Variants in IZUMO1 observed in about 807,000 individuals in gnomAD.
IZUMO1 encodes izumo sperm-egg fusion protein 1.
Under a neutral mutation model 40.7 loss-of-function variants are expected in IZUMO1, and 44 were observed. The observed-to-expected ratio is 1.08, with a 90% CI of 0.85 to 1.39. The LOEUF (loss-of-function observed/expected upper bound fraction) is 1.39, where lower values mean the gene tolerates loss of function less well. IZUMO1 is among the 40% of genes most tolerant of loss of function. The pLI is 0.00. For missense variants in IZUMO1, 368 were observed against 436.9 expected (o/e 0.84, Z 1.41); for synonymous variants, 149 against 170.9 (o/e 0.87, Z 1.00).
chr19:48,741,601 G>T lies in IZUMO1; in HGVS notation c.755-123C>A. The T allele has an allele frequency of 7.7e-7, 1 of 1,295,912 alleles. No individual in the cohort carries two copies. The highest frequency in any genetic ancestry group is 1.1e-6 in the Non-Finnish European group (1 of 939,910). The allele number at this position is 1,295,912 out of a possible 1,614,324, so 80.3% of individuals were successfully genotyped here. A position where few individuals can be genotyped will look rare whatever the true frequency, so the allele number is the denominator to read the frequency against. Reference sequence around the variant, plus strand: ...TCACGCCTTCAACAGTGTCAAGCCTGAACACACCCAAGGGAACCCCTGTCC... The same window carrying T: ...TCACGCCTTCAACAGTGTCAAGCCTTAACACACCCAAGGGAACCCCTGTCC... On this transcript the variant is annotated intron_variant, in intron 8 of 9. Transcript: ENST00000332955. The surrounding 1 kb of genome is among the most constrained non-coding windows in gnomAD (Gnocchi z 4.4).
In IZUMO1 at chr19:48,743,894, G is replaced by A; in HGVS notation, c.418+281C>T. ...TAATCCCAGCTACTCAGGGGGCTGA[G>A]GCAGGAGAATAGTTTGAACCTGGGA... On this transcript the variant is annotated intron_variant, in intron 5 of 9. Transcript: ENST00000332955. The A allele has an allele frequency of 1.4e-5, 7 of 485,798 alleles. No individual in the cohort carries two copies. The South Asian group carries it at 1.5e-4, about 11-fold the overall frequency. The allele number at this position is 485,798 out of a possible 1,614,324, so 30.1% of individuals were successfully genotyped here.
At chr19:48,744,286 A>G (rs2033812098) in intron 4 of IZUMO1, 91 bp from the exon 5 acceptor site, 2 of 1,411,044 alleles carry the variant, frequency 1.4e-6, no homozygotes, top group South Asian at 1.2e-5. Flanking sequence ...TTGGGGGAAG[A>G]GCTGGGCTTT....
At chr19:48,744,927 G>A (rs1235273783) in intron 3 of IZUMO1, among the ~76,000 whole-genome samples, 1 of 152,142 alleles carries the variant, frequency 6.6e-6, no homozygotes, top group African/African-American at 2.4e-5. Flanking sequence ...GAACTACTGA[G>A]CTCAAGTAAT....
chr19:48,741,732 G>A lies in IZUMO1; in HGVS notation c.754+57C>T. On this transcript the variant is annotated intron_variant, in intron 8 of 9. Transcript: ENST00000332955. The surrounding 1 kb of genome is among the most constrained non-coding windows in gnomAD (Gnocchi z 4.4). Reference sequence around the variant, plus strand: ...TCGCCAAGGCCACGCCCCCGCCGCGGACCCCAGCTTTCCTGGGCCCTGAAT... The same window carrying A: ...TCGCCAAGGCCACGCCCCCGCCGCGAACCCCAGCTTTCCTGGGCCCTGAAT... The A allele has an allele frequency of 1.3e-5, 20 of 1,504,130 alleles. No individual in the cohort carries two copies. The highest frequency in any genetic ancestry group is 1.8e-5 in the Non-Finnish European group (20 of 1,123,654). The allele number at this position is 1,504,130 out of a possible 1,614,324, so 93.2% of individuals were successfully genotyped here. A position where few individuals can be genotyped will look rare whatever the true frequency, so the allele number is the denominator to read the frequency against.
chr19:48,743,720 C>A, intron 5 of IZUMO1, 195 bp from the exon 6 acceptor site: 1 of 596,696 alleles, frequency 1.7e-6, no homozygotes. Flanking sequence ...AGGCCGGATG[C>A]GGTGGCTTAC....
Position 48,741,771 on chromosome 19 carries a change from C to T in IZUMO1, c.754+18G>A. 6.5e-7 allele frequency: 1 copy of T among 1,539,754 alleles called. No individual in the cohort carries two copies. Among genetic ancestry groups the T allele is most frequent in the Non-Finnish European group, 8.8e-7 (1 of 1,138,922 alleles). Reference sequence around the variant, plus strand: ...TGGGCCCTGAATCCTACACTTCTCTCAGCCCCACAGCACTGACCTGTGACG... The same window carrying T: ...TGGGCCCTGAATCCTACACTTCTCTTAGCCCCACAGCACTGACCTGTGACG... On this transcript the variant is annotated intron_variant, in intron 8 of 9. Coordinates refer to ENST00000332955, the MANE Select transcript of IZUMO1 (RefSeq NM_182575.3). This position sits in a 1 kb window ranked among gnomAD's most constrained non-coding sequence, Gnocchi z 4.4.
intron 2 of IZUMO1, 83 bp downstream of exon 2, chr19:48,745,542 C>G: frequency 6.5e-7 from 1 of 1,527,806 alleles, no homozygotes; most frequent in South Asian, 1.1e-5. Context: ...TCCCGGAGAC[C>G]CTGCTGTCAG....
In IZUMO1 at chr19:48,743,523, C is replaced by T. The variant is rs142778758; in HGVS notation, c.421G>A (p.Val141Met). ...CACCAGATCAGAGTTTGCAACATCA[C>T]ACCTGGAGGGGCAGGGTCAAGGCTT... is the stretch of plus-strand genomic sequence containing the variant. Reference protein sequence around the residue: ...KEAYCPNKCGVMLQTLIWCKN... With the variant: ...KEAYCPNKCGMMLQTLIWCKN... The change falls in exon 6 of 10, where the codon GTG becomes ATG. Residue 141 changes from valine to methionine, a missense_variant and splice_region_variant. Physicochemically the swap from Val to Met is conservative, Grantham distance 21. Coordinates refer to ENST00000332955, the MANE Select transcript of IZUMO1 (RefSeq NM_182575.3). 1.2e-5 allele frequency: 19 copies of T among 1,612,320 alleles called. No homozygotes were observed. The African/African-American group carries it at 2.4e-4, about 20-fold the overall frequency.
Position 48,740,940 on chromosome 19 carries a change from T to C in IZUMO1, c.1021A>G (p.Lys341Glu), listed in dbSNP as rs2033664751. ...TGCCTCGAATCTGTGGCCTTTTCTTTTGGGACCTGGGTTTGCTCGGCCGCT... is the reference window on the plus strand; with the variant it reads ...TGCCTCGAATCTGTGGCCTTTTCTTCTGGGACCTGGGTTTGCTCGGCCGCT... Reference protein sequence around the residue: ...SGAAEQTQVPKEKATDSRQQ With the variant: ...SGAAEQTQVPEEKATDSRQQ The change falls in exon 10 of 10, where the codon AAA (lysine) becomes GAA (glutamate). Residue 341 changes from lysine to glutamate, a missense_variant. Lys to Glu is a moderately conservative substitution (Grantham distance 56). Coordinates refer to ENST00000332955, the MANE Select transcript of IZUMO1 (RefSeq NM_182575.3). The surrounding 1 kb of genome is among the most constrained non-coding windows in gnomAD (Gnocchi z 5.5). The C allele has an allele frequency of 6.2e-7, 1 of 1,614,148 alleles. No individual in the cohort carries two copies. The highest frequency in any genetic ancestry group is 8.5e-7 in the Non-Finnish European group (1 of 1,179,966).
Position 48,741,896 on chromosome 19 carries a change from G to C in IZUMO1, c.647C>G (p.Ala216Gly). 1 of 1,611,786 alleles carries C rather than the reference G, an allele frequency of 6.2e-7. No individual in the cohort carries two copies. The highest frequency in any genetic ancestry group is 8.5e-7 in the Non-Finnish European group (1 of 1,178,228). Residue 216 changes from alanine to glycine, a missense_variant, in exon 8 of 10, where the codon GCC becomes GGC. Ala to Gly is a moderately conservative substitution (Grantham distance 60). Coordinates refer to ENST00000332955, the MANE Select transcript of IZUMO1 (RefSeq NM_182575.3). The surrounding 1 kb of genome is among the most constrained non-coding windows in gnomAD (Gnocchi z 4.4). ...TETLVSKGKE[A>G]TLTKPMVGPE... ...ACCCACCATGGGCTTGGTCAGGGTG[G>C]CCTCTTTCCCCTTGGACACCAAGGT...
chr19:48,742,088 G>A, intron 7 of IZUMO1, 121 bp downstream of exon 7: 1 of 1,493,812 alleles, frequency 6.7e-7, no homozygotes, highest in Non-Finnish European at 9.2e-7. Flanking sequence ...GAGGTCTGTA[G>A]AGACCACACC....
In IZUMO1 at chr19:48,746,600, A is replaced by T. The variant is rs2033891870; in HGVS notation, c.-239T>A. On this transcript the variant is annotated 5_prime_UTR_variant, in exon 1 of 10. Transcript: ENST00000332955. The stretch of plus-strand genomic sequence containing the variant: ...GAGCCCCGATGCATCCTGAACAGTG[A>T]TGCACCCTAAACAGCCGCTCCCCGA... 5.1e-6 allele frequency: 5 copies of T among 985,306 alleles called. No individual in the cohort carries two copies. Among genetic ancestry groups the T allele is most frequent in the South Asian group, 4.7e-5 (1 of 21,276 alleles). 61.0% of individuals were successfully genotyped at this position (985,306 alleles called of 1,614,324 possible).
Position 48,741,946 on chromosome 19 carries a change from G to C in IZUMO1, c.601-4C>G, listed in dbSNP as rs1409379857. ...TCTCCGTATTGTTCCCCCAAACCTA[G>C]ACCCAAGCTCAAGGGGTCACTGAGG... On this transcript the variant is annotated splice_region_variant and splice_polypyrimidine_tract_variant and intron_variant, in intron 7 of 9. Transcript: ENST00000332955. The surrounding 1 kb of genome is among the most constrained non-coding windows in gnomAD (Gnocchi z 4.4). 6.3e-7 allele frequency: 1 copy of C among 1,591,958 alleles called. No individual in the cohort carries two copies. Among genetic ancestry groups the C allele is most frequent in the Non-Finnish European group, 8.6e-7 (1 of 1,166,244 alleles).
Position 48,745,225 on chromosome 19 carries a change from CT to C in IZUMO1, c.298del (p.Ser100ValfsTer3). ...CTTGATGCATTTACCTTTTACATCACTGTCTGTGATGCGTTTCAGATCCTTC... is the reference window on the plus strand; with the variant it reads ...CTTGATGCATTTACCTTTTACATCACGTCTGTGATGCGTTTCAGATCCTTC... Reference protein sequence around the residue: ...LLKDLKRITDSDVKGDLFVKE... With the variant: ...LLKDLKRITDXDVKGDLFVKE... On this transcript the variant is annotated frameshift_variant, in exon 3 of 10. Transcript: ENST00000332955. LOFTEE classifies it high-confidence loss of function. 12 of 1,613,936 alleles carry C rather than the reference CT, an allele frequency of 7.4e-6. No individual in the cohort carries two copies. Among genetic ancestry groups the C allele is most frequent in the Non-Finnish European group, 1.0e-5 (12 of 1,179,838 alleles).
At position 48,741,696 on chromosome 19, in the gene IZUMO1, T is replaced by C; in HGVS notation, c.754+93A>G. ...CCCCGAAACCACACCCAACAGGAAG[T>C]CACGCCCCCATCGCCAAGGCCACGC... On this transcript the variant is annotated intron_variant, in intron 8 of 9. Coordinates refer to ENST00000332955, the MANE Select transcript of IZUMO1 (RefSeq NM_182575.3). This position sits in a 1 kb window ranked among gnomAD's most constrained non-coding sequence, Gnocchi z 4.4. The C allele has an allele frequency of 7.0e-7, 1 of 1,428,740 alleles. No individual in the cohort carries two copies. Among genetic ancestry groups the C allele is most frequent in the African/African-American group, 1.4e-5 (1 of 69,460 alleles). The allele number at this position is 1,428,740 out of a possible 1,614,324, so 88.5% of individuals were successfully genotyped here. A position where few individuals can be genotyped will look rare whatever the true frequency, so the allele number is the denominator to read the frequency against.
At chr19:48,745,087 G>C (rs1186070570) in intron 3 of IZUMO1, 127 bp downstream of exon 3, 4 of 749,812 alleles carry the variant, frequency 5.3e-6, no homozygotes, top group Non-Finnish European at 9.3e-6. Context: ...CAGCTAGGAA[G>C]TGGCAGAGCA....
Position 48,741,668 on chromosome 19 carries a change from G to C in IZUMO1, c.754+121C>G. 2 of 1,340,150 alleles carry C rather than the reference G, an allele frequency of 1.5e-6. No individual in the cohort carries two copies. Among genetic ancestry groups the C allele is most frequent in the Non-Finnish European group, 2.0e-6 (2 of 998,462 alleles). The allele number at this position is 1,340,150 out of a possible 1,614,324, so 83.0% of individuals were successfully genotyped here. Reference sequence around the variant, plus strand: ...CGCCCCCGGCAGGAAGCCACACCCCGTGCCCCGAAACCACACCCAACAGGA... The same window carrying C: ...CGCCCCCGGCAGGAAGCCACACCCCCTGCCCCGAAACCACACCCAACAGGA... On this transcript the variant is annotated intron_variant, in intron 8 of 9. Coordinates refer to ENST00000332955, the MANE Select transcript of IZUMO1 (RefSeq NM_182575.3). This position sits in a 1 kb window ranked among gnomAD's most constrained non-coding sequence, Gnocchi z 4.4.
rs945908675 is a variant in IZUMO1, at chr19:48,741,123, C to T, written c.933-95G>A. On this transcript the variant is annotated intron_variant, in intron 9 of 9. Transcript: ENST00000332955. This position sits in a 1 kb window ranked among gnomAD's most constrained non-coding sequence, Gnocchi z 4.4. ...CAACCTCCCCCTTTGTGACCTTATT[C>T]TAGCAATTACCTAAGCCTCGCCCTT... The T allele has an allele frequency of 6.4e-7, 1 of 1,559,802 alleles. No homozygotes were observed. The highest frequency in any genetic ancestry group is 8.7e-7 in the Non-Finnish European group (1 of 1,143,278).
At chr19:48,745,557 T>C in intron 2 of IZUMO1, 68 bp downstream of exon 2, 3 of 1,584,140 alleles carry the variant, frequency 1.9e-6, no homozygotes, top group Non-Finnish European at 1.7e-6. Flanking sequence ...TGTCAGCCTC[T>C]TCCTTCCCCT....
Sources: allele counts gnomAD v4.1 joint callset (sites outside exome capture counted in the v4.1 genomes callset), GRCh38; gene constraint gnomAD v4.1.1; non-coding constraint Gnocchi (gnomAD v3.1); transcripts MANE v1.5; gene names NCBI Gene and HGNC (gene_info 2026-07-23, HGNC 2026-07-21).